TTC6: variants seen among roughly 807,000 people sequenced by gnomAD.
The protein encoded by TTC6 is tetratricopeptide repeat domain 6.
A neutral mutation model predicts 210.4 loss-of-function variants in TTC6; 172 were observed. The ratio of observed to expected loss-of-function variants is 0.82; its 90% confidence interval spans 0.72 to 0.93. TTC6 has a LOEUF of 0.93. Among genes scored for constraint, TTC6 ranks in the 40% least tolerant of loss-of-function variants. The probability of loss-of-function intolerance (pLI) is 0.00; values close to 1 mark genes in which losing one functional copy is unlikely to be tolerated. For missense variants in TTC6, 2,414 were observed against 2,318.1 expected (o/e 1.04, Z -0.85); for synonymous variants, 804 against 819.6 (o/e 0.98, Z 0.32).
chr14:37,787,648 T>C lies in TTC6; in HGVS notation c.3436+11T>C. 6.9e-7 allele frequency: 1 copy of C among 1,441,164 alleles called. No homozygotes were observed. Among genetic ancestry groups the C allele is most frequent in the Non-Finnish European group, 9.2e-7 (1 of 1,090,128 alleles). 89.3% of individuals were successfully genotyped at this position (1,441,164 alleles called of 1,614,324 possible). On this transcript the variant is annotated intron_variant, in intron 15 of 30. Transcript: ENST00000553443. ...ATTATAGTGTTTCAGGTACTTTGCC[T>C]TCAATTACATGTATATAGCAACCCA...
At chr14:37,745,020 A>C (rs1015518146) in intron 10 of TTC6, among the ~76,000 whole-genome samples, 2 of 152,134 alleles carry the variant, frequency 1.3e-5, no homozygotes, top group African/African-American at 2.4e-5. Flanking sequence ...ACACACCCAC[A>C]CACACACATA....
intron 29 of TTC6, among the ~76,000 whole-genome samples, chr14:37,840,089 CT>C (rs2096206609): frequency 2.0e-5 from 3 of 151,952 alleles, no homozygotes; most frequent in Admixed American, 6.6e-5. Flanking sequence ...ATGCCTCCAG[CT>C]AGCCAGACTA....
At chr14:37,829,849 A>T (rs2139010417) in intron 29 of TTC6, among the ~76,000 whole-genome samples, 1 of 152,044 alleles carries the variant, frequency 6.6e-6, no homozygotes, top group East Asian at 1.9e-4. Flanking sequence ...ATTTTGTTGT[A>T]AGTTTTATTA....
chr14:37,697,958 G>A (rs1327405482), intron 4 of TTC6, among the ~76,000 whole-genome samples: 1 of 151,902 alleles, frequency 6.6e-6, no homozygotes, highest in Non-Finnish European at 1.5e-5. Context: ...ATGACAAATA[G>A]TCCTGTTTAA....
intron 18 of TTC6, 121 bp downstream of exon 20, chr14:37,795,473 T>C: frequency 3.6e-6 from 2 of 551,552 alleles, no homozygotes; most frequent in Non-Finnish European, 5.8e-6. Flanking sequence ...CTCCCAGCAA[T>C]TGCCATTTCC....
At chr14:37,606,612 AT>A in intron 1 of TTC6, 50 bp from the exon 2 acceptor site, 1 of 467,848 alleles carries the variant, frequency 2.1e-6, no homozygotes, top group Non-Finnish European at 2.8e-6. Flanking sequence ...TGAGTGACTC[AT>A]TTTCTCTTGT....
At chr14:37,656,975 C>T (rs773861892) in intron 1 of TTC6, among the ~76,000 whole-genome samples, 2 of 151,830 alleles carry the variant, frequency 1.3e-5, no homozygotes, top group Non-Finnish European at 2.9e-5. Flanking sequence ...TTTGGGAGGC[C>T]GAGGCGGGTG....
chr14:37,627,761 CAT>C (rs1216607760), intron 1 of TTC6, among the ~76,000 whole-genome samples: 1 of 152,080 alleles, frequency 6.6e-6, no homozygotes, highest in Non-Finnish European at 1.5e-5. Flanking sequence ...CTGCAATAAA[CAT>C]ATGTGTGCAT....
At chr14:37,692,224 A>AAAAAAAAAAAG (rs2095805029) in intron 3 of TTC6, among the ~76,000 whole-genome samples, 1 of 143,152 alleles carries the variant, frequency 7.0e-6, no homozygotes, top group Non-Finnish European at 1.6e-5. Context: ...AAAAAAAAAA[A>AAAAAAAAAAAG]AAAAAAAAGA....
In TTC6 at chr14:37,826,221, G is replaced by A. The variant is rs2096171031; in HGVS notation, c.5001G>A (p.Trp1667Ter). ...CCCAAGGAAAATTCCAGAAAGCTTG[G>A]AACCACTTTACCATTGCCATAGATA... The change falls in exon 28 of 31, where the codon TGG becomes TGA. Residue 1667 changes from tryptophan to a stop codon, truncating the protein, a stop_gained. Coordinates refer to ENST00000553443, the Ensembl canonical transcript of TTC6. LOFTEE classifies it high-confidence loss of function. The A allele has an allele frequency of 1.2e-6, 2 of 1,601,772 alleles. No individual in the cohort carries two copies. The highest frequency in any genetic ancestry group is 1.8e-5 in the Admixed American group (1 of 57,044).
chr14:37,750,417 T>C (rs1285757164), intron 12 of TTC6, among the ~76,000 whole-genome samples: 1 of 149,290 alleles, frequency 6.7e-6, no homozygotes, highest in Non-Finnish European at 1.5e-5. Context: ...CCATTAAGTT[T>C]TGTGTCATCA....
intron 24 of TTC6, among the ~76,000 whole-genome samples, chr14:37,811,066 G>C (rs948011220): frequency 6.6e-6 from 1 of 152,160 alleles, no homozygotes; most frequent in African/African-American, 2.4e-5. Flanking sequence ...ATCCAGGAGA[G>C]GCCAAGGCCC....
At chr14:37,619,483 A>G (rs1004929318), upstream of TTC6, among the ~76,000 whole-genome samples, 3 of 152,270 alleles carry the variant, frequency 2.0e-5, no homozygotes, top group African/African-American at 4.8e-5. Context: ...ATAAAAATAT[A>G]TTTTCCACAT....
intron 3 of TTC6, 85 bp downstream of exon 5, chr14:37,683,049 C>A (rs1006768375): frequency 8.2e-6 from 10 of 1,226,206 alleles, no homozygotes; most frequent in African/African-American, 1.5e-5. Flanking sequence ...AGGCAAGGAC[C>A]AACGTATGGG....
At chr14:37,823,460 G>A (rs1052999316) in intron 26 of TTC6, among the ~76,000 whole-genome samples, 4 of 152,104 alleles carry the variant, frequency 2.6e-5, no homozygotes, top group African/African-American at 9.7e-5. Flanking sequence ...ATGCCATGTG[G>A]ACTTTAATAA....
intron 3 of TTC6, 31 bp from the exon 6 acceptor site, chr14:37,696,686 T>C (rs1038242009): frequency 8.6e-7 from 1 of 1,161,872 alleles, no homozygotes; most frequent in Non-Finnish European, 1.2e-6. Context: ...TTACATCTTC[T>C]CTTAACAGCA....
intron 20 of TTC6, among the ~76,000 whole-genome samples, chr14:37,799,217 C>T (rs1013983547): frequency 2.0e-5 from 3 of 152,098 alleles, no homozygotes; most frequent in Non-Finnish European, 2.9e-5. Flanking sequence ...TCTCCCTGGG[C>T]ATTTTAAGAC....
At chr14:37,683,087 A>C in intron 3 of TTC6, 123 bp downstream of exon 5, 2 of 798,256 alleles carry the variant, frequency 2.5e-6, no homozygotes, top group East Asian at 2.7e-5. Flanking sequence ...TGGTGTGTTC[A>C]CTCTGAAAAG....
chr14:37,764,142 CT>C (rs1451809358), intron 14 of TTC6, among the ~76,000 whole-genome samples: 1 of 152,020 alleles, frequency 6.6e-6, no homozygotes, highest in Non-Finnish European at 1.5e-5. Flanking sequence ...AGAAAATATA[CT>C]TTGTATGATC....
Sources: allele counts gnomAD v4.1 joint callset (sites outside exome capture counted in the v4.1 genomes callset), GRCh38; gene constraint gnomAD v4.1.1; transcripts MANE v1.5; gene names NCBI Gene and HGNC (gene_info 2026-07-23, HGNC 2026-07-21).